The following PIK3R2 variants were observed in gnomAD, a reference collection of about 807,000 sequenced individuals.
PIK3R2 encodes the protein phosphatidylinositol 3-kinase regulatory subunit beta.
Under a neutral mutation model 78.5 loss-of-function variants are expected in PIK3R2, and 40 were observed. The ratio of observed to expected loss-of-function variants is 0.51; its 90% CI spans 0.40 to 0.66. The LOEUF is 0.66. Ranked by LOEUF, PIK3R2 falls within the 30% of genes least tolerant of loss-of-function variation. The probability of loss-of-function intolerance (pLI) is 0.00; values close to 1 mark genes in which losing one functional copy is unlikely to be tolerated. For synonymous variants in PIK3R2, 473 were observed against 457.7 expected, an observed-to-expected ratio of 1.03 and a Z score of -0.43; for missense variants, 880 against 1,026.6, an observed-to-expected ratio of 0.86 and a Z score of 1.95.
Position 18,168,215 on chromosome 19 carries a change from C to T in PIK3R2, c.1737-260C>T, listed in dbSNP as rs951290673. On this transcript the variant is annotated intron_variant, in intron 13 of 15. Transcript: ENST00000222254. This position sits in a 1 kb window ranked among gnomAD's most constrained non-coding sequence, Gnocchi z 4.1. ...GGTGATGATGAGGGGCCTGGGCTGG[C>T]ATCTTCTTGGGGGACTCCATAGGCG... Among the ~76,000 whole-genome samples the T allele has an allele frequency of 3.9e-5, 6 of 152,160 alleles. No individual in the cohort carries two copies. Among genetic ancestry groups the T allele is most frequent in the African/African-American group, 1.4e-4 (6 of 41,442 alleles).
chr19:18,159,292 C>T (rs1303630355), intron 2 of PIK3R2, among the ~76,000 whole-genome samples: 1 of 151,654 alleles, frequency 6.6e-6, no homozygotes, highest in Non-Finnish European at 1.5e-5. Context: ...CACCCCACCA[C>T]AACAGAAACT....
At chr19:18,165,555 C>T (rs1369421277) in intron 11 of PIK3R2, among the ~76,000 whole-genome samples, 5 of 152,006 alleles carry the variant, frequency 3.3e-5, no homozygotes, top group South Asian at 2.1e-4. Flanking sequence ...TTTTGAGGTG[C>T]TGTCTCACCA....
At chr19:18,164,897 A>C (rs2043791613) in intron 11 of PIK3R2, among the ~76,000 whole-genome samples, 1 of 39,176 alleles carries the variant, frequency 2.6e-5, no homozygotes, top group Non-Finnish European at 7.1e-5. Flanking sequence ...CGGCCTCCCA[A>C]AGTTAAAAAA....
In PIK3R2 at chr19:18,163,399, C is replaced by T. The variant is rs140187437; in HGVS notation, c.1416+11C>T. On this transcript the variant is annotated intron_variant, in intron 11 of 15. Transcript: ENST00000222254. Reference sequence around the variant, plus strand: ...ACACGGACCTCCCAGGTACTCCAGGCCCCGTACATGAGGGAAACCGAGACA... The same window carrying T: ...ACACGGACCTCCCAGGTACTCCAGGTCCCGTACATGAGGGAAACCGAGACA... 355 of 1,613,814 alleles carry T rather than the reference C, an allele frequency of 2.2e-4. 1 individual carries two copies. The African/African-American group carries it at 4.2e-3, about 19-fold the overall frequency.
rs1568639977 is a variant in PIK3R2 at position 18,168,509 on chromosome 19, ATC to A, written c.1772_1773del (p.Ile591LysfsTer7). On this transcript the variant is annotated frameshift_variant, in exon 14 of 16. Coordinates refer to ENST00000222254, the MANE Select transcript of PIK3R2 (RefSeq NM_005027.4). LOFTEE classifies it high-confidence loss of function. This position sits in a 1 kb window ranked among gnomAD's most constrained non-coding sequence, Gnocchi z 4.1. ...CCAGAAAGGCGCCCGGCAGAAGAAA[ATC>A]AACGAGTGGCTGGGGATTAAAAATG... ...LTQKGARQKK[I>X]NEWLGIKNET... The A allele has an allele frequency of 1.3e-6, 1 of 781,188 alleles. No individual in the cohort carries two copies. The allele number at this position is 781,188 out of a possible 1,614,324, so 48.4% of individuals were successfully genotyped here.
At position 18,167,737 on chromosome 19, in the gene PIK3R2, C is replaced by T. The variant is rs1263202608; in HGVS notation, c.1736+431C>T. On this transcript the variant is annotated intron_variant, in intron 13 of 15. Transcript: ENST00000222254. The surrounding 1 kb of genome is among the most constrained non-coding windows in gnomAD (Gnocchi z 4.5). The stretch of plus-strand genomic sequence containing the variant: ...AAACCCGGCCAGGCATGGTGGTGGG[C>T]GCCTGTAATCCCAGTTACTCAAGAG... Among the ~76,000 whole-genome samples, 2 of 152,012 alleles carry T rather than the reference C, an allele frequency of 1.3e-5. No individual in the cohort carries two copies. The highest frequency in any genetic ancestry group is 2.9e-5 in the Non-Finnish European group (2 of 67,990).
chr19:18,164,080 C>G (rs1291920342), intron 11 of PIK3R2, among the ~76,000 whole-genome samples: 1 of 151,822 alleles, frequency 6.6e-6, no homozygotes, highest in Non-Finnish European at 1.5e-5. Flanking sequence ...GAGCCAAGAT[C>G]GTGCTACTAC....
rs147802007 is a variant in PIK3R2, at chr19:18,158,510, C to CAA, written c.323-1960_323-1959dup. Among the ~76,000 whole-genome samples, 52 of 144,992 alleles carry CAA rather than the reference C, an allele frequency of 3.6e-4. 3 individuals are homozygous for CAA. Among genetic ancestry groups the CAA allele is most frequent in the Admixed American group, 4.1e-4 (6 of 14,612 alleles). On this transcript the variant is annotated intron_variant, in intron 2 of 15. Transcript: ENST00000222254. ...CATCTCAAAAAAACAACAACAACAACAACAACAAAAAACGAGGAGGCCAAG... is the reference window on the plus strand; with the variant it reads ...CATCTCAAAAAAACAACAACAACAACAAAACAACAAAAAACGAGGAGGCCAAG...
rs557654906 is a variant in PIK3R2, at chr19:18,169,300, G to A, written c.*6G>A. 353 of 1,458,456 alleles carry A rather than the reference G, an allele frequency of 2.4e-4. No individual in the cohort carries two copies. In the African/African-American group the frequency reaches 4.7e-3, roughly 19 times the overall value. 90.3% of individuals were successfully genotyped at this position (1,458,456 alleles called of 1,614,324 possible). ...CGCCGCCTGCCGCCCGCTGAGCACC[G>A]AGGACCCGCCCCAAGCAGAGCCGCC... On this transcript the variant is annotated 3_prime_UTR_variant, in exon 16 of 16. Transcript: ENST00000222254.
rs1050342097 is a variant in PIK3R2 at position 18,159,196 on chromosome 19, G to GC, written c.323-1272dup. On this transcript the variant is annotated intron_variant, in intron 2 of 15. Transcript: ENST00000222254. Reference sequence around the variant, plus strand: ...TTAAGAGATGGGGTCTCACTCTGTTGCCCAGGCTGGTCTTGAACTCCTGGA... The same window carrying GC: ...TTAAGAGATGGGGTCTCACTCTGTTGCCCCAGGCTGGTCTTGAACTCCTGGA... 3.8e-5 allele frequency among the ~76,000 whole-genome samples: 5 copies of GC among 131,484 alleles called. No individual in the cohort carries two copies. In the East Asian group the frequency reaches 9.4e-4, roughly 25 times the overall value. 86.3% of individuals were successfully genotyped at this position (131,484 alleles called of 152,430 possible).
Position 18,168,911 on chromosome 19 carries a change from G to A in PIK3R2, c.1979+15G>A, listed in dbSNP as rs754371435. ...TGCTCCGTGGTGTGAGTGGACCGCA[G>A]CGGTGGGGATTCCCGCGTCCCTCCC... On this transcript the variant is annotated intron_variant, in intron 15 of 15. Coordinates refer to ENST00000222254, the MANE Select transcript of PIK3R2 (RefSeq NM_005027.4). This position sits in a 1 kb window ranked among gnomAD's most constrained non-coding sequence, Gnocchi z 4.1. 6.2e-7 allele frequency: 1 copy of A among 1,607,622 alleles called. No individual in the cohort carries two copies. The highest frequency in any genetic ancestry group is 1.1e-5 in the South Asian group (1 of 90,316).
chr19:18,160,971 T>C lies in PIK3R2; in HGVS notation c.466+2T>C, dbSNP rs2147949852. The C allele has an allele frequency of 1.9e-6, 3 of 1,612,446 alleles. No homozygotes were observed. Among genetic ancestry groups the C allele is most frequent in the Non-Finnish European group, 2.5e-6 (3 of 1,179,640 alleles). On this transcript the variant is annotated splice_donor_variant, in intron 4 of 15. Coordinates refer to ENST00000222254, the MANE Select transcript of PIK3R2 (RefSeq NM_005027.4). LOFTEE classifies it high-confidence loss of function. ...CGGAGCTGCCCGCACCGCGTACAGG[T>C]GAAGGGGAGCCTCAATGGGGTTGGG...
chr19:18,160,945 C>T lies in PIK3R2; in HGVS notation c.442C>T (p.Pro148Ser), dbSNP rs1183247783. The change falls in exon 4 of 16, where the codon CCG (proline) becomes TCG (serine). Residue 148 changes from proline to serine, a missense_variant. Physicochemically the swap from Pro to Ser is moderately conservative, Grantham distance 74. Around this residue, in one of 3 missense-constraint regions of PIK3R2, gnomAD observed 456 missense variants for 486.6 expected, o/e 0.94. Transcript: ENST00000222254. Reference protein sequence around the residue: ...TGLDSESHYRPELPAPRTDWS... With the variant: ...TGLDSESHYRSELPAPRTDWS... ...GCTGGACAGCGAATCTCACTACCGC[C>T]CGGAGCTGCCCGCACCGCGTACAGG... 6.2e-7 allele frequency: 1 copy of T among 1,611,842 alleles called. No individual in the cohort carries two copies. Among genetic ancestry groups the T allele is most frequent in the Non-Finnish European group, 8.5e-7 (1 of 1,179,500 alleles).
Position 18,161,306 on chromosome 19 carries a change from TGGAG to T in PIK3R2, c.627_630del (p.Glu210HisfsTer130). 7.4e-7 allele frequency: 1 copy of T among 1,359,988 alleles called. No homozygotes were observed. Among genetic ancestry groups the T allele is most frequent in the Non-Finnish European group, 9.4e-7 (1 of 1,063,008 alleles). 84.2% of individuals were successfully genotyped at this position (1,359,988 alleles called of 1,614,324 possible). On this transcript the variant is annotated frameshift_variant, in exon 6 of 16. Coordinates refer to ENST00000222254, the MANE Select transcript of PIK3R2 (RefSeq NM_005027.4). LOFTEE classifies it high-confidence loss of function. The surrounding 1 kb of genome is among the most constrained non-coding windows in gnomAD (Gnocchi z 5.3). ...GCCGCGGGGCCCGTGGGGCCGGCGC[TGGAG>T]CCACCGACGCTGCCGCTGCACCGCG...
intron 1 of PIK3R2, among the ~76,000 whole-genome samples, chr19:18,154,359 C>T (rs1453007017): frequency 6.6e-6 from 1 of 152,124 alleles, no homozygotes; most frequent in Non-Finnish European, 1.5e-5. Context: ...GGCTCCCTGT[C>T]CCTGCCTGGG....
At chr19:18,157,862 C>T (rs2043695448) in intron 2 of PIK3R2, among the ~76,000 whole-genome samples, 1 of 152,140 alleles carries the variant, frequency 6.6e-6, no homozygotes, top group South Asian at 2.1e-4. Flanking sequence ...AGGGCGTCCC[C>T]GCCGAGGGCC....
chr19:18,153,623 A>C (rs1304255778), intron 1 of PIK3R2, among the ~76,000 whole-genome samples: 1 of 152,172 alleles, frequency 6.6e-6, no homozygotes, highest in African/African-American at 2.4e-5. Context: ...TGTGCGGGGC[A>C]GAATGGGGTG....
chr19:18,169,405 C>T lies in PIK3R2; in HGVS notation c.*111C>T. ...CCACATCCAGGGGTCCTCATTTCTC[C>T]GGCTCTGGCTCTTGTTTGGGGTTCT... On this transcript the variant is annotated 3_prime_UTR_variant, in exon 16 of 16. Transcript: ENST00000222254. 2 of 469,462 alleles carry T rather than the reference C, an allele frequency of 4.3e-6. No homozygotes were observed. Among genetic ancestry groups the T allele is most frequent in the Non-Finnish European group, 6.7e-6 (2 of 296,538 alleles). 29.1% of individuals were successfully genotyped at this position (469,462 alleles called of 1,614,324 possible).
At chr19:18,158,779 TACC>T (rs1335622597) in intron 2 of PIK3R2, among the ~76,000 whole-genome samples, 6 of 152,198 alleles carry the variant, frequency 3.9e-5, no homozygotes, top group African/African-American at 1.4e-4. Flanking sequence ...CCGCAAAAAT[TACC>T]ACCAACTAGG....
Sources: gnomAD v4.1 joint callset for allele counts (sites outside exome capture counted in the v4.1 genomes callset) on GRCh38, gnomAD v4.1.1 for gene constraint, gnomAD v4.1.1 regional missense constraint, Gnocchi (gnomAD v3.1) non-coding constraint, MANE v1.5 for transcripts, NCBI Gene and HGNC (gene_info 2026-07-23, HGNC 2026-07-21) for gene names.